The following FSIP2 variants were observed in gnomAD, a reference collection of about 807,000 sequenced individuals.
FSIP2 encodes the protein fibrous sheath interacting protein 2, also known as fibrous sheath-interacting protein 2.
Under a neutral mutation model 510.5 loss-of-function variants are expected in FSIP2, and 367 were observed. That is an observed-to-expected ratio of 0.72 (90% confidence interval 0.66 to 0.78). FSIP2 has a LOEUF of 0.78. Among genes scored for constraint, FSIP2 ranks in the 30% least tolerant of loss-of-function variants. The probability of loss-of-function intolerance (pLI) is 0.00; values close to 1 mark genes in which losing one functional copy is unlikely to be tolerated. For synonymous variants in FSIP2, 2,601 were observed against 2,732.2 expected (o/e 0.95, Z 1.50); for missense variants, 7,594 against 7,901.7 (o/e 0.96, Z 1.48).
Position 185,806,061 on chromosome 2 carries a change from T to C in FSIP2, c.16755T>C (p.His5585=), listed in dbSNP as rs767631275. The C allele has an allele frequency of 6.4e-7, 1 of 1,561,350 alleles. No individual in the cohort carries two copies. The highest frequency in any genetic ancestry group is 2.0e-5 in the Admixed American group (1 of 51,244). The change falls in exon 17 of 23, where the codon CAT becomes CAC. Residue 5585 remains histidine (H), a synonymous_variant. Coordinates refer to ENST00000424728, the MANE Select transcript of FSIP2 (RefSeq NM_173651.4). ...KKGKDDEIYT[H]FSLIIDDTEY... ...GGAAAGATGATGAGATATACACACA[T>C]TTTTCATTAATAATTGATGATACAG...
Position 185,805,769 on chromosome 2 carries a change from A to T in FSIP2, c.16463A>T (p.Gln5488Leu). The T allele has an allele frequency of 6.2e-7, 1 of 1,601,144 alleles. No individual in the cohort carries two copies. The highest frequency in any genetic ancestry group is 1.7e-4 in the Middle Eastern group (1 of 5,972). Residue 5488 changes from glutamine (Q) to leucine (L), a missense_variant, in exon 17 of 23, where the codon CAA (glutamine) becomes CTA (leucine). Physicochemically the swap from Gln to Leu is moderately radical, Grantham distance 113. Transcript: ENST00000424728. ...ACATCAGTGAAAAAAGGTGACATCC[A>T]AAATCCAGTACTTAGCTCTATAAAT... ...KDTSVKKGDI[Q>L]NPVLSSINAI...
Position 185,806,575 on chromosome 2 carries a change from G to C in FSIP2, c.17269G>C (p.Val5757Leu), listed in dbSNP as rs753314533. The change falls in exon 17 of 23, where the codon GTA becomes CTA. Residue 5757 changes from valine to leucine, a missense_variant. Val to Leu is a conservative substitution (Grantham distance 32). Coordinates refer to ENST00000424728, the MANE Select transcript of FSIP2 (RefSeq NM_173651.4). ...KEEEEREKEK[V>L]REEIKSEPSK... ...AGAGGAAGAGAGAGAAAAAGAGAAA[G>C]TAAGAGAGGAGATTAAAAGTGAACC... The C allele has an allele frequency of 6.2e-7, 1 of 1,606,398 alleles. No homozygotes were observed. Among genetic ancestry groups the C allele is most frequent in the Admixed American group, 1.7e-5 (1 of 58,342 alleles).
chr2:185,833,124 T>C lies in FSIP2; in HGVS notation c.20622T>C (p.Ser6874=). 1 of 1,610,648 alleles carries C rather than the reference T, an allele frequency of 6.2e-7. No individual in the cohort carries two copies. The highest frequency in any genetic ancestry group is 8.5e-7 in the Non-Finnish European group (1 of 1,177,804). ...AGCCCGATGTCTCCAAACAAGGATC[T>C]AAAATGCTGACAAAAATGTCTTCAA... ...TPKPDVSKQG[S]KMLTKMSSTL... is the part of the protein sequence containing the mutation. Residue 6874 remains serine (S), a synonymous_variant, in exon 23 of 23, where the codon TCT becomes TCC. Coordinates refer to ENST00000424728, the MANE Select transcript of FSIP2 (RefSeq NM_173651.4).
chr2:185,796,622 T>C lies in FSIP2; in HGVS notation c.9486T>C (p.Thr3162=). Residue 3162 remains threonine, a synonymous_variant, in exon 16 of 23, where the codon ACT becomes ACC. Transcript: ENST00000424728. ...CTGTTAATCAGGTTGAATTAGCAAC[T>C]AATATGAAAATGTTCACATCAAAGT... ...AYTVNQVELA[T]NMKMFTSKLK... The C allele has an allele frequency of 6.5e-7, 1 of 1,535,052 alleles. No individual in the cohort carries two copies. The highest frequency in any genetic ancestry group is 8.7e-7 in the Non-Finnish European group (1 of 1,146,208).
In FSIP2 at chr2:185,810,537, CTT is replaced by C. The variant is rs11298474; in HGVS notation, c.19827+1429_19827+1430del. ...GCAGAACCATGAGCCAGTTAAACCT[CTT>C]TTTTTTTTTTTTTTTTTTTTTTTTA... is the stretch of plus-strand genomic sequence containing the variant. On this transcript the variant is annotated intron_variant, in intron 17 of 22. Coordinates refer to ENST00000424728, the MANE Select transcript of FSIP2 (RefSeq NM_173651.4). Among the ~76,000 whole-genome samples, 673 of 107,008 alleles carry C rather than the reference CTT, an allele frequency of 6.3e-3. 3 individuals carry two copies. The highest frequency in any genetic ancestry group is 0.021 in the African/African-American group (600 of 27,992). The allele number at this position is 107,008 out of a possible 152,430, so 70.2% of individuals were successfully genotyped here. A position where few individuals can be genotyped will look rare whatever the true frequency, so the allele number is the denominator to read the frequency against.
chr2:185,746,931 C>A, intron 6 of FSIP2, 121 bp downstream of exon 6: 1 of 739,688 alleles, frequency 1.4e-6, no homozygotes, highest in South Asian at 2.5e-5. Context: ...AATTTGTTAC[C>A]ATTAAATTTT....
At chr2:185,813,332 T>G (rs1399965088) in intron 17 of FSIP2, among the ~76,000 whole-genome samples, 2 of 152,000 alleles carry the variant, frequency 1.3e-5, no homozygotes, top group Non-Finnish European at 2.9e-5. Flanking sequence ...GATTAAGGTA[T>G]GTAATAAATG....
intron 2 of FSIP2, among the ~76,000 whole-genome samples, chr2:185,742,849 C>A (rs1440541972): frequency 6.6e-6 from 1 of 152,138 alleles, no homozygotes; most frequent in African/African-American, 2.4e-5. Context: ...TATTCCCTTT[C>A]TTTTCCTCTT....
chr2:185,808,806 T>A lies in FSIP2; in HGVS notation c.19500T>A (p.Ile6500=). 6.2e-7 allele frequency: 1 copy of A among 1,612,852 alleles called. No individual in the cohort carries two copies. Among genetic ancestry groups the A allele is most frequent in the East Asian group, 2.2e-5 (1 of 44,748 alleles). ...CCCAAGAACATGCTTTTAATGTGATTCCTGAATTAGAGCAAGAAAAGTTAG... is the reference window on the plus strand; with the variant it reads ...CCCAAGAACATGCTTTTAATGTGATACCTGAATTAGAGCAAGAAAAGTTAG... The part of the protein sequence containing the change: ...QKAQEHAFNV[I]PELEQEKLDQ... Residue 6500 remains isoleucine (I), a synonymous_variant, in exon 17 of 23, where the codon ATT becomes ATA. Transcript: ENST00000424728.
At position 185,788,920 on chromosome 2, in the gene FSIP2, C is replaced by G. The variant is rs1410350917; in HGVS notation, c.1784C>G (p.Pro595Arg). The G allele has an allele frequency of 6.5e-7, 1 of 1,534,898 alleles. No homozygotes were observed. Among genetic ancestry groups the G allele is most frequent in the Admixed American group, 2.0e-5 (1 of 50,880 alleles). Residue 595 changes from proline (P) to arginine (R), a missense_variant, in exon 16 of 23, where the codon CCA becomes CGA. Physicochemically the swap from Pro to Arg is moderately radical, Grantham distance 103 (BLOSUM62 -2). Transcript: ENST00000424728. ...AFVVDTSVRR[P>R]TTPIKPPPAH... Reference sequence around the variant, plus strand: ...GTAGTTGACACGTCAGTAAGGAGACCAACCACACCTATAAAACCTCCTCCT... The same window carrying G: ...GTAGTTGACACGTCAGTAAGGAGACGAACCACACCTATAAAACCTCCTCCT...
chr2:185,822,133 G>A (rs1392617602), intron 19 of FSIP2, among the ~76,000 whole-genome samples: 5 of 151,844 alleles, frequency 3.3e-5, no homozygotes, highest in Admixed American at 3.3e-4. Context: ...GTGAAGAAAT[G>A]AAGTATTTCC....
In FSIP2 at chr2:185,824,449, T is replaced by C. The variant is rs1294874870; in HGVS notation, c.20442T>C (p.Cys6814=). ...TTTGTTTTAGTGAGGCTGAAGATTG[T>C]CACTCAGACCCAAGTGCTAAAATAT... The part of the protein sequence containing the change: ...LISSTGEAED[C]HSDPSAKILE... The change falls in exon 20 of 23, where the codon TGT becomes TGC. Residue 6814 remains cysteine, a synonymous_variant. Coordinates refer to ENST00000424728, the MANE Select transcript of FSIP2 (RefSeq NM_173651.4). 6.3e-7 allele frequency: 1 copy of C among 1,593,140 alleles called. No individual in the cohort carries two copies. Among genetic ancestry groups the C allele is most frequent in the Non-Finnish European group, 8.6e-7 (1 of 1,168,198 alleles).
chr2:185,754,746 A>G (rs995908485), intron 8 of FSIP2, among the ~76,000 whole-genome samples: 7 of 151,470 alleles, frequency 4.6e-5, no homozygotes, highest in African/African-American at 1.7e-4. Context: ...GATGGCAGCT[A>G]TGATCTAGTG....
intron 13 of FSIP2, among the ~76,000 whole-genome samples, chr2:185,782,300 T>G: frequency 2.7e-5 from 1 of 36,428 alleles, no homozygotes; most frequent in South Asian, 1.6e-3. Flanking sequence ...TTTATTCAGG[T>G]ACGTATCAAG....
In FSIP2 at chr2:185,815,120, T is replaced by C. The variant is rs146859626; in HGVS notation, c.20326-251T>C. Reference sequence around the variant, plus strand: ...GAAGAAAATTCGACTCTTTAAACATTGTTCCAGGTTTATGTTTAAAATTTG... The same window carrying C: ...GAAGAAAATTCGACTCTTTAAACATCGTTCCAGGTTTATGTTTAAAATTTG... On this transcript the variant is annotated intron_variant, in intron 18 of 22. Transcript: ENST00000424728. Among the ~76,000 whole-genome samples, 1,228 of 152,164 alleles carry C rather than the reference T, an allele frequency of 8.1e-3. 13 individuals carry two copies. The highest frequency in any genetic ancestry group is 0.014 in the Non-Finnish European group (938 of 67,956).
At chr2:185,741,393 T>C (rs895550027) in intron 2 of FSIP2, among the ~76,000 whole-genome samples, 2 of 152,210 alleles carry the variant, frequency 1.3e-5, no homozygotes, top group Non-Finnish European at 2.9e-5. Context: ...ATTTTAATTG[T>C]CAATAGAAAA....
rs188350547 is a variant in FSIP2 at position 185,743,053 on chromosome 2, A to G, written c.226-80A>G. 969 of 1,019,528 alleles carry G rather than the reference A, an allele frequency of 9.5e-4. 4 individuals are homozygous for G. The African/African-American group carries it at 0.014, about 15-fold the overall frequency. 63.2% of individuals were successfully genotyped at this position (1,019,528 alleles called of 1,614,324 possible). Reference sequence around the variant, plus strand: ...ATTCTTTTGGCACATTTTATTTTCAATGAACATTCTAATCATTTTGATAGA... The same window carrying G: ...ATTCTTTTGGCACATTTTATTTTCAGTGAACATTCTAATCATTTTGATAGA... On this transcript the variant is annotated intron_variant, in intron 2 of 22. Coordinates refer to ENST00000424728, the MANE Select transcript of FSIP2 (RefSeq NM_173651.4).
In FSIP2 at chr2:185,807,265, G is replaced by C. The variant is rs1159985411; in HGVS notation, c.17959G>C (p.Val5987Leu). The change falls in exon 17 of 23, where the codon GTC (valine) becomes CTC (leucine). Residue 5987 changes from valine (V) to leucine (L), a missense_variant. Transcript: ENST00000424728. ...GGAATCTAAGGATGTTGTTAAAAAG[G>C]TCCAAAAGTTGGCCCAAACAGCCAG... ...PLESKDVVKK[V>L]QKLAQTASKE... 2 of 1,612,534 alleles carry C rather than the reference G, an allele frequency of 1.2e-6. No homozygotes were observed. The highest frequency in any genetic ancestry group is 1.7e-6 in the Non-Finnish European group (2 of 1,179,174).
At chr2:185,760,670 C>A (rs1314795896) in intron 9 of FSIP2, among the ~76,000 whole-genome samples, 1 of 150,314 alleles carries the variant, frequency 6.7e-6, no homozygotes, top group Non-Finnish European at 1.5e-5. Flanking sequence ...TTGATACATG[C>A]AACAACGTTG....
Sources: allele counts gnomAD v4.1 joint callset (sites outside exome capture counted in the v4.1 genomes callset), GRCh38; gene constraint gnomAD v4.1.1; transcripts MANE v1.5; gene names NCBI Gene and HGNC (gene_info 2026-07-23, HGNC 2026-07-21).